The following LENG8 variants were observed in gnomAD, a reference collection of about 807,000 sequenced individuals.
LENG8 encodes the protein leukocyte receptor cluster member 8.
Under a neutral mutation model 102.1 loss-of-function variants are expected in LENG8, and 28 were observed. The ratio of observed to expected loss-of-function variants is 0.27; its 90% CI spans 0.20 to 0.38. The LOEUF is 0.38. Ranked by LOEUF, LENG8 falls within the 10% of genes least tolerant of loss-of-function variation. The probability of loss-of-function intolerance (pLI) is 1.00; values close to 1 mark genes in which losing one functional copy is unlikely to be tolerated. For synonymous variants in LENG8, 531 were observed against 456.7 expected (o/e 1.16, Z -2.07); for missense variants, 1,022 against 1,113.9 (o/e 0.92, Z 1.17).
At position 54,461,349 on chromosome 19, in the gene LENG8, G is replaced by T; in HGVS notation, c.*421G>T. Reference sequence around the variant, plus strand: ...CCAGCCCGTGCCCGCCTGCGGCGGGGGCACCCAGCAAGCCCGCCCACCGCC... The same window carrying T: ...CCAGCCCGTGCCCGCCTGCGGCGGGTGCACCCAGCAAGCCCGCCCACCGCC... On this transcript the variant is annotated 3_prime_UTR_variant, in exon 16 of 16. Transcript: ENST00000326764. 1 of 459,008 alleles carries T rather than the reference G, an allele frequency of 2.2e-6. No homozygotes were observed. Among genetic ancestry groups the T allele is most frequent in the South Asian group, 1.6e-5 (1 of 64,262 alleles). 28.4% of individuals were successfully genotyped at this position (459,008 alleles called of 1,614,324 possible).
In LENG8 at chr19:54,462,013, A is replaced by C. The variant is rs1045056066; in HGVS notation, c.*1085A>C. ...AAACCAAAATTAAAGAGAGAAAGAG[A>C]GAGCGTGCACGCTCCTGCTTTGTCT... On this transcript the variant is annotated 3_prime_UTR_variant, in exon 16 of 16. Coordinates refer to ENST00000326764, the MANE Select transcript of LENG8 (RefSeq NM_052925.4). The C allele has an allele frequency of 2.8e-6, 4 of 1,451,890 alleles. No individual in the cohort carries two copies. The highest frequency in any genetic ancestry group is 3.8e-6 in the Non-Finnish European group (4 of 1,064,046). 89.9% of individuals were successfully genotyped at this position (1,451,890 alleles called of 1,614,324 possible). A position where few individuals can be genotyped will look rare whatever the true frequency, so the allele number is the denominator to read the frequency against.
intron 15 of LENG8, chr19:54,460,372 G>A: frequency 8.3e-7 from 1 of 1,208,474 alleles, no homozygotes; most frequent in African/African-American, 1.6e-5. Flanking sequence ...ACACTGTAAC[G>A]CAGGGCAGGG....
Position 54,452,137 on chromosome 19 carries a change from G to A in LENG8, c.83G>A (p.Gly28Asp), listed in dbSNP as rs1205866225. 4 of 1,614,156 alleles carry A rather than the reference G, an allele frequency of 2.5e-6. No individual in the cohort carries two copies. In the Admixed American group the frequency reaches 6.7e-5, roughly 27 times the overall value. The change falls in exon 3 of 16, where the codon GGC becomes GAC. Residue 28 changes from glycine (G) to aspartate (D), a missense_variant. By Grantham distance (94) the Gly-to-Asp change is moderately conservative (BLOSUM62 -1). Transcript: ENST00000326764. Reference sequence around the variant, plus strand: ...GTGGCTGGGGCAGGCCGAGAGAATGGCATGGAGACGCCGATGCACGAGAAC... The same window carrying A: ...GTGGCTGGGGCAGGCCGAGAGAATGACATGGAGACGCCGATGCACGAGAAC... ...SMVAGAGREN[G>D]METPMHENPE...
Position 54,461,967 on chromosome 19 carries a change from C to A in LENG8, c.*1039C>A. 1 of 1,114,810 alleles carries A rather than the reference C, an allele frequency of 9.0e-7. No homozygotes were observed. 69.1% of individuals were successfully genotyped at this position (1,114,810 alleles called of 1,614,324 possible). ...TCCTTCCTTTCCTTGGAGCACTGAG[C>A]ACCATTTGGAAGCTTGAGAGAAACC... On this transcript the variant is annotated 3_prime_UTR_variant, in exon 16 of 16. Transcript: ENST00000326764.
At position 54,461,292 on chromosome 19, in the gene LENG8, G is replaced by GC. The variant is rs2084536718; in HGVS notation, c.*366dup. 2.1e-6 allele frequency: 1 copy of GC among 470,186 alleles called. No homozygotes were observed. Among genetic ancestry groups the GC allele is most frequent in the African/African-American group, 2.0e-5 (1 of 50,664 alleles). The allele number at this position is 470,186 out of a possible 1,614,324, so 29.1% of individuals were successfully genotyped here. A position where few individuals can be genotyped will look rare whatever the true frequency, so the allele number is the denominator to read the frequency against. On this transcript the variant is annotated 3_prime_UTR_variant, in exon 16 of 16. Coordinates refer to ENST00000326764, the MANE Select transcript of LENG8 (RefSeq NM_052925.4). ...GACCCGGCGCCCTGGCCCATCCCAT[G>GC]CCGGGGGGCCAGTGGAAAGAAGACA...
At chr19:54,460,719 G>GGGCCCCCCCC in intron 15 of LENG8, 47 bp from the exon 16 acceptor site, 42 of 778,898 alleles carry the variant, frequency 5.4e-5, no homozygotes, top group East Asian at 1.6e-4. Context: ...GCCCTCCCCT[G>GGGCCCCCCCC]CCCTCCCGCC....
At chr19:54,450,519 A>C (rs552746974) in intron 1 of LENG8, among the ~76,000 whole-genome samples, 210 of 150,908 alleles carry the variant, frequency 1.4e-3, no homozygotes, top group African/African-American at 4.8e-3. Context: ...GTTCTCGGAA[A>C]CCTTTCCACC....
chr19:54,461,088 G>A lies in LENG8; in HGVS notation c.*160G>A. On this transcript the variant is annotated 3_prime_UTR_variant, in exon 16 of 16. Coordinates refer to ENST00000326764, the MANE Select transcript of LENG8 (RefSeq NM_052925.4). ...CCCCCGTTTTCCCACCGGGGAGTCT[G>A]TACAGAGATTTTTCTACGTTTTTAT... is the stretch of plus-strand genomic sequence containing the variant. 3 of 1,095,596 alleles carry A rather than the reference G, an allele frequency of 2.7e-6. 1 individual carries two copies. Among genetic ancestry groups the A allele is most frequent in the Middle Eastern group, 4.1e-4 (2 of 4,886 alleles). 67.9% of individuals were successfully genotyped at this position (1,095,596 alleles called of 1,614,324 possible).
In LENG8 at chr19:54,456,228, G is replaced by GCGC; in HGVS notation, c.1289_1291dup (p.Arg430dup). On this transcript the variant is annotated inframe_insertion, in exon 9 of 16. Coordinates refer to ENST00000326764, the MANE Select transcript of LENG8 (RefSeq NM_052925.4). ...CCCGCTCCTCCTCCAGGTCCCCGAC[G>GCGC]CGCCACTTCCGCAGAAGGTACTGAG... 6.2e-7 allele frequency: 1 copy of GCGC among 1,613,306 alleles called. No homozygotes were observed. The highest frequency in any genetic ancestry group is 8.5e-7 in the Non-Finnish European group (1 of 1,179,562).
intron 11 of LENG8, 64 bp from the exon 12 acceptor site, chr19:54,457,683 G>C: frequency 2.6e-6 from 3 of 1,150,380 alleles, no homozygotes; most frequent in Non-Finnish European, 4.0e-6. Context: ...CACCAAATAA[G>C]TGGAAGCCGT....
In LENG8 at chr19:54,460,948, G is replaced by C. The variant is rs958920408; in HGVS notation, c.*20G>C. On this transcript the variant is annotated 3_prime_UTR_variant, in exon 16 of 16. Coordinates refer to ENST00000326764, the MANE Select transcript of LENG8 (RefSeq NM_052925.4). Reference sequence around the variant, plus strand: ...TTCTGAGCACCCAGCGAGGAGGGGCGGGGGCAGGGGCTGCAGCCCCCAGCG... The same window carrying C: ...TTCTGAGCACCCAGCGAGGAGGGGCCGGGGCAGGGGCTGCAGCCCCCAGCG... The C allele has an allele frequency of 2.0e-6, 3 of 1,525,918 alleles. No individual in the cohort carries two copies. Among genetic ancestry groups the C allele is most frequent in the Non-Finnish European group, 2.6e-6 (3 of 1,138,988 alleles). The allele number at this position is 1,525,918 out of a possible 1,614,324, so 94.5% of individuals were successfully genotyped here. A position where few individuals can be genotyped will look rare whatever the true frequency, so the allele number is the denominator to read the frequency against.
At chr19:54,456,995 G>A in intron 11 of LENG8, 74 bp downstream of exon 11, 1 of 1,458,748 alleles carries the variant, frequency 6.9e-7, no homozygotes, top group South Asian at 1.3e-5. Flanking sequence ...ACCCAGGGAG[G>A]GTGGCAGAGG....
chr19:54,456,075 C>T lies in LENG8; in HGVS notation c.1134C>T (p.Ala378=), dbSNP rs754249789. The T allele has an allele frequency of 6.2e-7, 1 of 1,609,256 alleles. No homozygotes were observed. Among genetic ancestry groups the T allele is most frequent in the Middle Eastern group, 1.7e-4 (1 of 6,042 alleles). ...GAGSATRGGG[A]PSQRGTPGAG... is the part of the protein sequence containing the mutation. ...GCTCGGCGACAAGGGGCGGGGGTGC[C>T]CCGTCCCAGCGAGGGACGCCCGGGG... Residue 378 remains alanine, a synonymous_variant, in exon 9 of 16, where the codon GCC becomes GCT. Transcript: ENST00000326764.
intron 11 of LENG8, 23 bp downstream of exon 11, chr19:54,456,944 C>T: frequency 1.3e-6 from 2 of 1,587,130 alleles, no homozygotes; most frequent in Non-Finnish European, 1.7e-6. Flanking sequence ...CAGGGCAGTT[C>T]TGCTCTGTGA....
Position 54,456,085 on chromosome 19 carries a change from C to G in LENG8, c.1144C>G (p.Arg382Gly). ...AAGGGGCGGGGGTGCCCCGTCCCAG[C>G]GAGGGACGCCCGGGGCTGGGGGTGC... is the stretch of plus-strand genomic sequence containing the variant. ...ATRGGGAPSQ[R>G]GTPGAGGAGR... The change falls in exon 9 of 16, where the codon CGA (arginine) becomes GGA (glycine). Residue 382 changes from arginine to glycine, a missense_variant. Around this residue, in one of 7 missense-constraint regions of LENG8, gnomAD observed 326 missense variants for 324.5 expected, o/e 1.00. Transcript: ENST00000326764. 6.2e-7 allele frequency: 1 copy of G among 1,608,266 alleles called. No individual in the cohort carries two copies. Among genetic ancestry groups the G allele is most frequent in the Non-Finnish European group, 8.5e-7 (1 of 1,176,490 alleles).
At position 54,455,987 on chromosome 19, in the gene LENG8, C is replaced by T; in HGVS notation, c.1046C>T (p.Ala349Val). The change falls in exon 9 of 16, where the codon GCT (alanine) becomes GTT (valine). Residue 349 changes from alanine to valine, a missense_variant. Physicochemically the swap from Ala to Val is moderately conservative, Grantham distance 64. This residue lies in a region of LENG8 where 326 missense variants were observed against 324.5 expected (regional missense o/e 1.00). Coordinates refer to ENST00000326764, the MANE Select transcript of LENG8 (RefSeq NM_052925.4). ...CTCAGGCTGACCCGGGAGCCTGTGGCTGAGAGCCCTAAGAAGAAGCGGTGG... is the reference window on the plus strand; with the variant it reads ...CTCAGGCTGACCCGGGAGCCTGTGGTTGAGAGCCCTAAGAAGAAGCGGTGG... ...PLPGLTREPV[A>V]ESPKKKRWEA... The T allele has an allele frequency of 3.1e-6, 5 of 1,612,742 alleles. No homozygotes were observed. In the East Asian group the frequency reaches 8.9e-5, roughly 29 times the overall value.
chr19:54,458,956 C>T, intron 15 of LENG8: 3 of 1,488,530 alleles, frequency 2.0e-6, no homozygotes, highest in Middle Eastern at 1.8e-4. Flanking sequence ...CAGTCCCACT[C>T]AGCTCCTTTG....
chr19:54,456,374 C>T lies in LENG8; in HGVS notation c.1354C>T (p.Pro452Ser), dbSNP rs1353264029. ...DSSYSGNECHPVGRRNPPPKG... is the reference protein window; with the variant it reads ...DSSYSGNECHSVGRRNPPPKG... The stretch of plus-strand genomic sequence containing the variant: ...CTCCTACTCAGGGAATGAGTGTCAC[C>T]CTGTGGGCCGCAGGAACCCGCCCCC... Residue 452 changes from proline to serine, a missense_variant, in exon 10 of 16, where the codon CCT (proline) becomes TCT (serine). Physicochemically the swap from Pro to Ser is moderately conservative, Grantham distance 74. This residue lies in a region of LENG8 where 326 missense variants were observed against 324.5 expected (regional missense o/e 1.00). Coordinates refer to ENST00000326764, the MANE Select transcript of LENG8 (RefSeq NM_052925.4). The T allele has an allele frequency of 1.9e-6, 3 of 1,612,958 alleles. No homozygotes were observed. Among genetic ancestry groups the T allele is most frequent in the Non-Finnish European group, 1.7e-6 (2 of 1,180,004 alleles).
intron 10 of LENG8, 76 bp from the exon 11 acceptor site, chr19:54,456,560 G>A: frequency 1.3e-6 from 2 of 1,538,582 alleles, no homozygotes; most frequent in Non-Finnish European, 8.7e-7. Flanking sequence ...CAGGTGGACA[G>A]CCAGCTGCCA....
Sources: allele counts gnomAD v4.1 joint callset (sites outside exome capture counted in the v4.1 genomes callset), GRCh38; gene constraint gnomAD v4.1.1; regional missense constraint gnomAD v4.1.1; transcripts MANE v1.5; gene names NCBI Gene and HGNC (gene_info 2026-07-23, HGNC 2026-07-21).